Variants in SYT9 observed in about 807,000 individuals in gnomAD.
SYT9 encodes synaptotagmin 9.
Under a neutral mutation model 48.4 loss-of-function variants are expected in SYT9, and 22 were observed. The observed-to-expected ratio is 0.45, with a 90% CI of 0.32 to 0.65. The LOEUF is 0.65. Among genes scored for constraint, SYT9 ranks in the 30% least tolerant of loss-of-function variants. SYT9 has a pLI of 0.03. For synonymous variants in SYT9, 265 were observed against 245.0 expected, an observed-to-expected ratio of 1.08 and a Z score of -0.76; for missense variants, 577 against 622.0, an observed-to-expected ratio of 0.93 and a Z score of 0.77.
intron 3 of SYT9, among the ~76,000 whole-genome samples, chr11:7,412,037 C>G (rs534353878): frequency 6.6e-6 from 1 of 151,696 alleles, no homozygotes; most frequent in Non-Finnish European, 1.5e-5. Context: ...TCTTCAGTTC[C>G]GGAATTTATG....
At chr11:7,416,183 G>C (rs376948796) in intron 4 of SYT9, 21 bp downstream of exon 4, 3 of 1,613,788 alleles carry the variant, frequency 1.9e-6, no homozygotes, top group Non-Finnish European at 2.5e-6. Flanking sequence ...TTCAAATTCA[G>C]ACTTCCTCAT....
chr11:7,246,053 T>G (rs768124385), intron 1 of SYT9, among the ~76,000 whole-genome samples: 22 of 151,592 alleles, frequency 1.5e-4, no homozygotes, highest in Admixed American at 2.6e-4. Context: ...TCTATGCACT[T>G]TTTTTTTTCA....
chr11:7,366,985 G>C (rs908219389), intron 3 of SYT9, among the ~76,000 whole-genome samples: 1 of 150,590 alleles, frequency 6.6e-6, no homozygotes, highest in African/African-American at 2.4e-5. Context: ...CCTGATTCTC[G>C]TGGATATTCC....
At chr11:7,247,608 CATATATACGTGT>C (rs556185169), upstream of SYT9, among the ~76,000 whole-genome samples, 213 of 143,060 alleles carry the variant, frequency 1.5e-3, 2 homozygotes, top group East Asian at 0.023. Flanking sequence ...CGTATATATA[CATATATACGTGT>C]ATATATACGT....
intron 1 of SYT9, among the ~76,000 whole-genome samples, chr11:7,278,444 G>A (rs777953625): frequency 6.6e-6 from 1 of 152,072 alleles, no homozygotes; most frequent in African/African-American, 2.4e-5. Flanking sequence ...GCTGCACAGT[G>A]GTTTTAAAAC....
intron 3 of SYT9, among the ~76,000 whole-genome samples, chr11:7,360,412 G>A (rs987997091): frequency 9.8e-5 from 15 of 152,286 alleles, no homozygotes; most frequent in Middle Eastern, 3.4e-3. Context: ...GCTTGATGGG[G>A]ATGGCATTGA....
At chr11:7,447,614 A>C (rs1000481048) in intron 6 of SYT9, among the ~76,000 whole-genome samples, 10 of 151,792 alleles carry the variant, frequency 6.6e-5, no homozygotes, top group Non-Finnish European at 1.5e-4. Context: ...TGTTGGTTTT[A>C]CTGAATCAAC....
chr11:7,251,265 C>T (rs1418146138), upstream of SYT9, among the ~76,000 whole-genome samples: 1 of 151,382 alleles, frequency 6.6e-6, no homozygotes, highest in Non-Finnish European at 1.5e-5. Flanking sequence ...GCTGAAGACA[C>T]TTTGGCAATG....
At chr11:7,392,162 T>TTTGCTTTTCTTGC (rs1846635511) in intron 3 of SYT9, among the ~76,000 whole-genome samples, 1 of 152,192 alleles carries the variant, frequency 6.6e-6, no homozygotes, top group East Asian at 1.9e-4. Flanking sequence ...TTTGAGGACT[T>TTTGCTTTTCTTGC]AGTCATACAT....
intron 6 of SYT9, among the ~76,000 whole-genome samples, chr11:7,443,584 C>T (rs1847871466): frequency 6.6e-6 from 1 of 152,224 alleles, no homozygotes; most frequent in South Asian, 2.1e-4. Flanking sequence ...AAATCAGCAG[C>T]TCATGTGCTC....
chr11:7,453,726 G>A (rs1315550466), intron 6 of SYT9, among the ~76,000 whole-genome samples: 2 of 152,202 alleles, frequency 1.3e-5, no homozygotes, highest in African/African-American at 2.4e-5. Context: ...CCTGAGAAGT[G>A]CATTTCCATC....
intron 1 of SYT9, among the ~76,000 whole-genome samples, chr11:7,254,924 A>G (rs1053892839): frequency 6.6e-6 from 1 of 152,288 alleles, no homozygotes; most frequent in Admixed American, 6.5e-5. Context: ...TTTTTTGTCC[A>G]GGTAGTTATA....
At chr11:7,329,904 T>C (rs986722951) in intron 3 of SYT9, among the ~76,000 whole-genome samples, 4 of 152,184 alleles carry the variant, frequency 2.6e-5, no homozygotes, top group Non-Finnish European at 5.9e-5. Context: ...ATGCCAGCTC[T>C]GTTGGGATTC....
intron 3 of SYT9, among the ~76,000 whole-genome samples, chr11:7,343,672 G>C (rs1161397933): frequency 1.3e-5 from 2 of 152,112 alleles, no homozygotes; most frequent in African/African-American, 4.8e-5. Flanking sequence ...CAGTTCCAAA[G>C]TCACTTCCAC....
upstream of SYT9, among the ~76,000 whole-genome samples, chr11:7,248,168 G>A (rs1847817811): frequency 6.6e-6 from 1 of 151,942 alleles, no homozygotes; most frequent in African/African-American, 2.4e-5. Flanking sequence ...TTTTTGATGG[G>A]ATTGTTTGTT....
At chr11:7,303,467 G>C in intron 2 of SYT9, 77 bp downstream of exon 2, 1 of 1,252,536 alleles carries the variant, frequency 8.0e-7, no homozygotes, top group South Asian at 1.5e-5. Context: ...AGCACTGATA[G>C]GTCAAGGAGC....
intron 3 of SYT9, among the ~76,000 whole-genome samples, chr11:7,381,135 G>A (rs1033839574): frequency 5.3e-5 from 8 of 152,010 alleles, no homozygotes; most frequent in Non-Finnish European, 1.2e-4. Flanking sequence ...CTATCATCTG[G>A]TCTAAATCTA....
chr11:7,447,856 C>CA (rs1041441599), intron 6 of SYT9, among the ~76,000 whole-genome samples: 3 of 152,206 alleles, frequency 2.0e-5, no homozygotes, highest in Non-Finnish European at 2.9e-5. Context: ...ACTAGGTGCC[C>CA]AGTGTTGGCT....
chr11:7,336,970 A>T (rs1849641052), intron 3 of SYT9, among the ~76,000 whole-genome samples: 1 of 152,158 alleles, frequency 6.6e-6, no homozygotes, highest in Non-Finnish European at 1.5e-5. Flanking sequence ...GATTCTTCTG[A>T]TCCATGAGCA....
Sources: allele counts gnomAD v4.1 joint callset (sites outside exome capture counted in the v4.1 genomes callset), GRCh38; gene constraint gnomAD v4.1.1; transcripts MANE v1.5; gene names NCBI Gene and HGNC (gene_info 2026-07-23, HGNC 2026-07-21).